Variants in FYB2 observed in about 807,000 individuals in gnomAD.
FYB2 encodes FYN binding protein 2.
FYB2 carries 103 observed loss-of-function variants against 94.1 expected under a neutral mutation model. The ratio of observed to expected loss-of-function variants is 1.09; its 90% CI spans 0.93 to 1.29. FYB2 has a LOEUF of 1.29. Ranked by LOEUF, FYB2 falls within the 50% of genes most tolerant of loss-of-function variation. The pLI, the probability that FYB2 is intolerant of heterozygous loss-of-function variation, is 0.00. For missense variants in FYB2, 896 were observed against 841.5 expected, an observed-to-expected ratio of 1.06 and a Z score of -0.80; for synonymous variants, 293 against 287.9, an observed-to-expected ratio of 1.02 and a Z score of -0.18.
At chr1:56,804,433 C>T (rs1469647468) in intron 1 of FYB2, among the ~76,000 whole-genome samples, 4 of 152,090 alleles carry the variant, frequency 2.6e-5, no homozygotes, top group Non-Finnish European at 4.4e-5. Context: ...GCATCTAAAG[C>T]GCAGGTTCAG....
intron 1 of FYB2, among the ~76,000 whole-genome samples, chr1:56,808,638 G>C (rs1362691408): frequency 6.6e-6 from 1 of 152,176 alleles, no homozygotes; most frequent in Non-Finnish European, 1.5e-5. Flanking sequence ...CTGCAGCCTA[G>C]CTGGTTTCTT....
intron 1 of FYB2, among the ~76,000 whole-genome samples, chr1:56,803,217 C>T (rs1438443158): frequency 2.0e-5 from 3 of 152,078 alleles, no homozygotes; most frequent in African/African-American, 7.2e-5. Context: ...AACATGTTAC[C>T]ATTTCTATAG....
intron 8 of FYB2, among the ~76,000 whole-genome samples, chr1:56,753,080 C>T (rs988656658): frequency 2.6e-5 from 4 of 152,094 alleles, no homozygotes; most frequent in Admixed American, 2.0e-4. Context: ...CATGCCAGTT[C>T]AGGCTCATAC....
chr1:56,768,052 C>T, intron 4 of FYB2, 114 bp from the exon 5 acceptor site: 1 of 745,518 alleles, frequency 1.3e-6, no homozygotes, highest in South Asian at 1.9e-5. Context: ...ATATGGTGAC[C>T]TAAGCATATA....
intron 1 of FYB2, among the ~76,000 whole-genome samples, chr1:56,805,226 TTTC>T (rs1378868356): frequency 6.6e-6 from 1 of 152,210 alleles, no homozygotes; most frequent in African/African-American, 2.4e-5. Context: ...TAGATCAGAT[TTTC>T]TTTTCACTTG....
intron 4 of FYB2, 97 bp from the exon 5 acceptor site, chr1:56,768,035 C>T: frequency 1.1e-6 from 1 of 899,134 alleles, no homozygotes; most frequent in Non-Finnish European, 1.7e-6. Flanking sequence ...ATATGTGTGT[C>T]TGGCCAATAT....
chr1:56,796,675 C>T (rs1646406387), intron 1 of FYB2, among the ~76,000 whole-genome samples: 1 of 152,110 alleles, frequency 6.6e-6, no homozygotes, highest in South Asian at 2.1e-4. Context: ...TAATCCCGAC[C>T]CTCTTAATGC....
At chr1:56,742,518 C>T (rs1465664894) in intron 11 of FYB2, among the ~76,000 whole-genome samples, 2 of 152,110 alleles carry the variant, frequency 1.3e-5, no homozygotes, top group Non-Finnish European at 2.9e-5. Context: ...CACCCTCCCT[C>T]CTTCCTGTAT....
chr1:56,750,153 T>C (rs1021957986), intron 9 of FYB2, among the ~76,000 whole-genome samples: 1 of 151,884 alleles, frequency 6.6e-6, no homozygotes, highest in East Asian at 1.9e-4. Context: ...ACATAAATCA[T>C]GAATTGCAAT....
intron 1 of FYB2, among the ~76,000 whole-genome samples, chr1:56,801,736 G>T (rs945751604): frequency 2.0e-5 from 3 of 152,182 alleles, no homozygotes; most frequent in South Asian, 4.2e-4. Flanking sequence ...CTACTATCCG[G>T]TCCCATCTTC....
At chr1:56,741,035 A>ATGTTCACTGTT (rs1553156057) in intron 12 of FYB2, among the ~76,000 whole-genome samples, 5 of 152,028 alleles carry the variant, frequency 3.3e-5, no homozygotes, top group Non-Finnish European at 7.4e-5. Flanking sequence ...TGTTTGGGTA[A>ATGTTCACTGTT]TGGGTAGACT....
At chr1:56,810,605 G>T (rs115587256) in intron 1 of FYB2, among the ~76,000 whole-genome samples, 3,020 of 152,288 alleles carry the variant, frequency 0.02, 49 homozygotes, top group Non-Finnish European at 0.031. Flanking sequence ...TAAATAAAGG[G>T]CTAAGGAAAC....
intron 5 of FYB2, among the ~76,000 whole-genome samples, chr1:56,765,757 T>C (rs957042058): frequency 1.3e-5 from 2 of 152,202 alleles, no homozygotes; most frequent in African/African-American, 4.8e-5. Context: ...TTATCCTTCC[T>C]TGGGGCCTGA....
chr1:56,771,471 T>G (rs2100834594), intron 4 of FYB2, among the ~76,000 whole-genome samples: 1 of 152,276 alleles, frequency 6.6e-6, no homozygotes, highest in South Asian at 2.1e-4. Context: ...CACTCACAAA[T>G]TCATGATTGG....
chr1:56,760,974 C>G (rs1645478360), intron 5 of FYB2, among the ~76,000 whole-genome samples: 1 of 152,152 alleles, frequency 6.6e-6, no homozygotes, highest in Non-Finnish European at 1.5e-5. Context: ...TCTGCAGCAT[C>G]AGAGTCCTCG....
chr1:56,811,436 G>A (rs1035968321), intron 1 of FYB2, among the ~76,000 whole-genome samples: 4 of 152,064 alleles, frequency 2.6e-5, no homozygotes, highest in Admixed American at 2.0e-4. Flanking sequence ...AATTCCAGGG[G>A]CTAATCTTGA....
chr1:56,822,412 T>C (rs1412861501), upstream of FYB2, among the ~76,000 whole-genome samples: 1 of 152,252 alleles, frequency 6.6e-6, no homozygotes, highest in Non-Finnish European at 1.5e-5. Flanking sequence ...GAACGTAGTC[T>C]GTGAGAAAGC....
chr1:56,823,171 G>T (rs976252620), upstream of FYB2, among the ~76,000 whole-genome samples: 15 of 152,136 alleles, frequency 9.9e-5, no homozygotes, highest in African/African-American at 2.9e-4. Flanking sequence ...GCTCAGAAAG[G>T]TTAGGCAGAT....
chr1:56,814,005 C>T (rs1480597003), intron 1 of FYB2, among the ~76,000 whole-genome samples: 2 of 152,150 alleles, frequency 1.3e-5, no homozygotes, highest in Non-Finnish European at 2.9e-5. Flanking sequence ...ATCTCACAGT[C>T]TAGACCTGGG....
Sources: gnomAD v4.1 joint callset for allele counts (sites outside exome capture counted in the v4.1 genomes callset) on GRCh38, gnomAD v4.1.1 for gene constraint, MANE v1.5 for transcripts, NCBI Gene and HGNC (gene_info 2026-07-23, HGNC 2026-07-21) for gene names.